Variants in PHF14 observed in about 807,000 individuals in gnomAD.
The protein encoded by PHF14 is PHD finger protein 14.
Under a neutral mutation model 117.9 loss-of-function variants are expected in PHF14, and 55 were observed. The observed-to-expected ratio is 0.47, with a 90% CI of 0.38 to 0.58. PHF14 has a LOEUF of 0.58. PHF14 is among the 20% of genes least tolerant of loss of function. PHF14 has a pLI of 0.00. For synonymous variants in PHF14, 409 were observed against 368.6 expected (o/e 1.11, Z -1.26); for missense variants, 978 against 1,122.2 (o/e 0.87, Z 1.84).
At chr7:11,135,695 G>T (rs931136072) in intron 17 of PHF14, among the ~76,000 whole-genome samples, 1 of 151,992 alleles carries the variant, frequency 6.6e-6, no homozygotes, top group East Asian at 1.9e-4. Flanking sequence ...ATTCATTGCC[G>T]TGGTTATATT....
chr7:11,031,920 A>G lies in PHF14; in HGVS notation c.1455+3102A>G, dbSNP rs183244409. Among the ~76,000 whole-genome samples, 4 of 152,300 alleles carry G rather than the reference A, an allele frequency of 2.6e-5. No individual in the cohort carries two copies. In the East Asian group the frequency reaches 5.8e-4, roughly 22 times the overall value. On this transcript the variant is annotated intron_variant, in intron 7 of 17. Coordinates refer to ENST00000634607, the MANE Select transcript of PHF14 (RefSeq NM_001007157.2). ...TGTAATTAAAGTATAATTTGGTGCT[A>G]TTGAACATTGCTGTACTCTGTTCTG...
At chr7:11,026,781 C>T (rs868337222) in intron 6 of PHF14, among the ~76,000 whole-genome samples, 2 of 150,332 alleles carry the variant, frequency 1.3e-5, no homozygotes, top group African/African-American at 4.9e-5. Context: ...TTAAATTTCA[C>T]CTTGTGTAAA....
Position 10,976,103 on chromosome 7 carries a change from A to G in PHF14, c.112+1158A>G, listed in dbSNP as rs60185956. Among the ~76,000 whole-genome samples the G allele has an allele frequency of 5.4e-3, 815 of 152,312 alleles. 5 individuals carry two copies. The highest frequency in any genetic ancestry group is 0.019 in the African/African-American group (774 of 41,576). The stretch of plus-strand genomic sequence containing the variant: ...GGTCACTCAGGCAGTAACGGATCCA[A>G]TGGATTTGACTTCAGAATTTAGTCT... On this transcript the variant is annotated intron_variant, in intron 2 of 17. Transcript: ENST00000634607.
intron 4 of PHF14, among the ~76,000 whole-genome samples, chr7:10,992,100 C>A (rs2128310698): frequency 6.6e-6 from 1 of 151,894 alleles, no homozygotes; most frequent in East Asian, 2.0e-4. Context: ...CTTGTCCAGG[C>A]TGGAGTGCAG....
chr7:11,153,972 T>TGTGTGTGTGTG (rs1562488381), intron 17 of PHF14, among the ~76,000 whole-genome samples: 1 of 151,326 alleles, frequency 6.6e-6, no homozygotes, highest in African/African-American at 2.4e-5. Flanking sequence ...TGTGTGTGTG[T>TGTGTGTGTGTG]TTTAAGAATA....
intron 13 of PHF14, among the ~76,000 whole-genome samples, chr7:11,048,631 T>C (rs1279616738): frequency 1.3e-5 from 2 of 152,204 alleles, no homozygotes; most frequent in East Asian, 3.8e-4. Context: ...GGCTTTATTC[T>C]AGGTTATTAT....
At chr7:11,143,440 C>G (rs1219120859) in intron 17 of PHF14, among the ~76,000 whole-genome samples, 2 of 151,772 alleles carry the variant, frequency 1.3e-5, no homozygotes, top group Non-Finnish European at 2.9e-5. Flanking sequence ...TATATTGTTC[C>G]TTATCTATGA....
At chr7:11,096,129 G>T (rs111599018) in intron 16 of PHF14, among the ~76,000 whole-genome samples, 2 of 151,992 alleles carry the variant, frequency 1.3e-5, no homozygotes, top group Non-Finnish European at 2.9e-5. Context: ...GTCATGCAAA[G>T]TTCATTTTGG....
intron 5 of PHF14, among the ~76,000 whole-genome samples, chr7:11,019,510 T>A (rs1783654204): frequency 6.6e-6 from 1 of 152,168 alleles, no homozygotes; most frequent in East Asian, 1.9e-4. Flanking sequence ...TCTTTTAGAT[T>A]TTCTAATTTA....
Position 10,976,047 on chromosome 7 carries a change from CAG to C in PHF14, c.112+1103_112+1104del, listed in dbSNP as rs371592423. On this transcript the variant is annotated intron_variant, in intron 2 of 17. Transcript: ENST00000634607. ...GAAGGAGATACCATTTTACAGGTAACAGGGGTATTGAGTTTAAAGAACTGGCA... is the reference window on the plus strand; with the variant it reads ...GAAGGAGATACCATTTTACAGGTAACGGGTATTGAGTTTAAAGAACTGGCA... 2.8e-4 allele frequency among the ~76,000 whole-genome samples: 42 copies of C among 152,258 alleles called. 1 individual carries two copies. In the South Asian group the frequency reaches 8.3e-3, roughly 30 times the overall value.
intron 14 of PHF14, among the ~76,000 whole-genome samples, chr7:11,053,867 T>C (rs1451978252): frequency 6.6e-6 from 1 of 152,046 alleles, no homozygotes; most frequent in African/African-American, 2.4e-5. Flanking sequence ...TCCTTTCATC[T>C]TGTTCTTTGT....
At chr7:11,087,898 T>A (rs1317605221) in intron 16 of PHF14, among the ~76,000 whole-genome samples, 1 of 152,216 alleles carries the variant, frequency 6.6e-6, no homozygotes, top group South Asian at 2.1e-4. Flanking sequence ...ATTTTTAAAG[T>A]GTATAACTTG....
chr7:11,111,603 A>T, intron 17 of PHF14, 136 bp downstream of exon 17: 22 of 480,070 alleles, frequency 4.6e-5, no homozygotes, highest in East Asian at 1.0e-4. Flanking sequence ...TTAAGAATAT[A>T]TTGCTATGGT....
chr7:11,023,028 G>T (rs1293207170), intron 6 of PHF14, 49 bp downstream of exon 6: 1 of 1,014,964 alleles, frequency 9.9e-7, no homozygotes, highest in South Asian at 1.5e-5. Flanking sequence ...GGTTTTACTT[G>T]TTAGTTTACC....
At position 11,060,498 on chromosome 7, in the gene PHF14, C is replaced by A. The variant is rs115180109; in HGVS notation, c.2482-1293C>A. Among the ~76,000 whole-genome samples the A allele has an allele frequency of 5.9e-3, 897 of 152,180 alleles. 8 individuals are homozygous for A. The highest frequency in any genetic ancestry group is 0.021 in the African/African-American group (857 of 41,512). ...GTTAAGGACCTTTCTACACTGGTGT[C>A]CTTAAACTTATGTGTATTTGACCTA... On this transcript the variant is annotated intron_variant, in intron 14 of 17. Transcript: ENST00000634607.
intron 17 of PHF14, among the ~76,000 whole-genome samples, chr7:11,118,435 C>T (rs1334498382): frequency 2.6e-5 from 4 of 151,360 alleles, no homozygotes; most frequent in Non-Finnish European, 5.9e-5. Flanking sequence ...TCTTTTAATC[C>T]CTTAGTTTCT....
At chr7:11,034,342 G>T (rs2128321752) in intron 7 of PHF14, among the ~76,000 whole-genome samples, 1 of 151,946 alleles carries the variant, frequency 6.6e-6, no homozygotes, top group East Asian at 1.9e-4. Flanking sequence ...CAATTACATT[G>T]TAAATTACTT....
chr7:11,027,579 C>T (rs769302777), intron 6 of PHF14, among the ~76,000 whole-genome samples: 7 of 151,918 alleles, frequency 4.6e-5, no homozygotes, highest in Non-Finnish European at 7.4e-5. Context: ...AGAGGATTTG[C>T]GGTAATTTCA....
intron 17 of PHF14, among the ~76,000 whole-genome samples, chr7:11,122,769 C>T (rs148313137): frequency 4.6e-5 from 7 of 152,060 alleles, no homozygotes; most frequent in Admixed American, 4.6e-4. Context: ...CCTTCCACTG[C>T]CCTATAGTTC....
Sources: gnomAD v4.1 joint callset for allele counts (sites outside exome capture counted in the v4.1 genomes callset) on GRCh38, gnomAD v4.1.1 for gene constraint, MANE v1.5 for transcripts, NCBI Gene and HGNC (gene_info 2026-07-23, HGNC 2026-07-21) for gene names.